Variants in ENTREP2 observed in about 807,000 individuals in gnomAD.
ENTREP2 encodes the protein endosomal transmembrane epsin interactor 2.
chr15:29,357,442 T>C, the ENTREP2 span, among the ~76,000 whole-genome samples: 1 of 151,674 alleles, frequency 6.6e-6, no homozygotes, highest in Admixed American at 6.6e-5. Context: ...CCAGAAGATA[T>C]AGTATAAATA....
the ENTREP2 span, among the ~76,000 whole-genome samples, chr15:29,553,825 T>G: frequency 6.6e-6 from 1 of 152,326 alleles, no homozygotes; most frequent in East Asian, 1.9e-4. Flanking sequence ...TGTCCCACCC[T>G]GTCGAGTCCT....
At chr15:29,385,156 T>C in the ENTREP2 span, among the ~76,000 whole-genome samples, 1 of 152,124 alleles carries the variant, frequency 6.6e-6, no homozygotes, top group African/African-American at 2.4e-5. Flanking sequence ...CTGAAGTGTA[T>C]TAAACTATCA....
the ENTREP2 span, among the ~76,000 whole-genome samples, chr15:29,156,645 GA>G: frequency 6.6e-6 from 1 of 152,138 alleles, no homozygotes; most frequent in African/African-American, 2.4e-5. Context: ...AGCCCAGGAG[GA>G]GGCATGCAGA....
At chr15:29,403,015 A>C in the ENTREP2 span, among the ~76,000 whole-genome samples, 1 of 152,158 alleles carries the variant, frequency 6.6e-6, no homozygotes, top group Non-Finnish European at 1.5e-5. Flanking sequence ...GCTTCAGAAC[A>C]GGTATGGAAA....
the ENTREP2 span, among the ~76,000 whole-genome samples, chr15:29,419,617 C>A: frequency 1.1e-3 from 168 of 152,254 alleles, 1 homozygote; most frequent in African/African-American, 3.8e-3. Context: ...TCAGTAAGCG[C>A]TGCAAAGCTA....
At chr15:29,428,807 C>A in the ENTREP2 span, among the ~76,000 whole-genome samples, 2 of 152,092 alleles carry the variant, frequency 1.3e-5, no homozygotes, top group Admixed American at 6.5e-5. Context: ...CCAGGAAATA[C>A]AAAAATGCAG....
At chr15:29,253,390 G>C in the ENTREP2 span, among the ~76,000 whole-genome samples, 1 of 151,228 alleles carries the variant, frequency 6.6e-6, no homozygotes, top group African/African-American at 2.4e-5. Flanking sequence ...TTGTAATTTG[G>C]TGATTAAATA....
At chr15:29,486,327 A>G in the ENTREP2 span, among the ~76,000 whole-genome samples, 2 of 152,196 alleles carry the variant, frequency 1.3e-5, no homozygotes, top group East Asian at 3.9e-4. Flanking sequence ...CGGTGTACGT[A>G]TGATATACTA....
chr15:29,183,968 C>A, the ENTREP2 span, among the ~76,000 whole-genome samples: 1 of 152,016 alleles, frequency 6.6e-6, no homozygotes, highest in African/African-American at 2.4e-5. Flanking sequence ...TACTTTTCTG[C>A]ACGTTGAACT....
At chr15:29,334,728 G>A in the ENTREP2 span, among the ~76,000 whole-genome samples, 16 of 152,180 alleles carry the variant, frequency 1.1e-4, no homozygotes, top group East Asian at 3.9e-4. Flanking sequence ...GTGATCCAGC[G>A]AATGTGACAG....
At chr15:29,149,972 C>A in the ENTREP2 span, among the ~76,000 whole-genome samples, 1 of 152,228 alleles carries the variant, frequency 6.6e-6, no homozygotes, top group Non-Finnish European at 1.5e-5. Flanking sequence ...CAGCCGCTGT[C>A]GCCGCAGCCT....
chr15:29,166,983 T>A, the ENTREP2 span, among the ~76,000 whole-genome samples: 1 of 152,042 alleles, frequency 6.6e-6, no homozygotes, highest in Non-Finnish European at 1.5e-5. Flanking sequence ...CATGGACCAA[T>A]GGAACAGAAT....
At chr15:29,200,085 C>CA in the ENTREP2 span, among the ~76,000 whole-genome samples, 78 of 152,312 alleles carry the variant, frequency 5.1e-4, no homozygotes, top group Non-Finnish European at 9.6e-4. Context: ...TTCCACCAAC[C>CA]ACCAAGTCTT....
the ENTREP2 span, among the ~76,000 whole-genome samples, chr15:29,440,963 C>T: frequency 6.6e-6 from 1 of 152,218 alleles, no homozygotes; most frequent in Non-Finnish European, 1.5e-5. Context: ...AGCAATTCCA[C>T]TTCTGGGTAT....
At chr15:29,242,123 G>A in the ENTREP2 span, among the ~76,000 whole-genome samples, 2 of 152,134 alleles carry the variant, frequency 1.3e-5, no homozygotes, top group Non-Finnish European at 1.5e-5. Context: ...ACCCAGGCTG[G>A]AGTGCAGTGG....
chr15:29,139,258 T>C, the ENTREP2 span, among the ~76,000 whole-genome samples: 1 of 152,136 alleles, frequency 6.6e-6, no homozygotes, highest in African/African-American at 2.4e-5. Context: ...CCCGTGGGCC[T>C]CCTAACACAC....
At chr15:29,440,224 A>G in the ENTREP2 span, among the ~76,000 whole-genome samples, 1 of 152,170 alleles carries the variant, frequency 6.6e-6, no homozygotes, top group South Asian at 2.1e-4. Context: ...AGTTATTTTT[A>G]GTTTTGACAA....
At chr15:29,479,786 G>T in the ENTREP2 span, among the ~76,000 whole-genome samples, 1 of 152,102 alleles carries the variant, frequency 6.6e-6, no homozygotes, top group African/African-American at 2.4e-5. Context: ...CAGGAATCTT[G>T]CAGAAGAAAC....
the ENTREP2 span, among the ~76,000 whole-genome samples, chr15:29,352,831 T>C: frequency 3.3e-5 from 5 of 152,270 alleles, no homozygotes; most frequent in Non-Finnish European, 5.9e-5. Flanking sequence ...TTTTTCTTCT[T>C]GTTCTCCTCT....
Sources: allele counts gnomAD v4.1 joint callset (sites outside exome capture counted in the v4.1 genomes callset), GRCh38; gene constraint gnomAD v4.1.1; transcripts MANE v1.5; gene names NCBI Gene and HGNC (gene_info 2026-07-23, HGNC 2026-07-21).